CADM1: variants seen among roughly 807,000 people sequenced by gnomAD.
The protein encoded by CADM1 is TSLC-1.
CADM1 carries 15 observed loss-of-function variants against 53.1 expected under a neutral mutation model. The observed-to-expected ratio is 0.28, with a 90% CI of 0.19 to 0.44. The LOEUF (loss-of-function observed/expected upper bound fraction) is 0.44, where lower values mean the gene tolerates loss of function less well. CADM1 is among the 20% of genes least tolerant of loss of function. The probability of loss-of-function intolerance (pLI) is 1.00; values close to 1 mark genes in which losing one functional copy is unlikely to be tolerated. For missense variants in CADM1, 434 were observed against 611.3 expected, an observed-to-expected ratio of 0.71 and a Z score of 3.06; for synonymous variants, 281 against 243.0, an observed-to-expected ratio of 1.16 and a Z score of -1.45.
chr11:115,324,208 C>T (rs567654759), intron 1 of CADM1, among the ~76,000 whole-genome samples: 1 of 152,268 alleles, frequency 6.6e-6, no homozygotes, highest in East Asian at 1.9e-4. Context: ...ATCTCTTCAA[C>T]ACCCTTAATG....
At chr11:115,490,322 C>T (rs1949464941) in intron 1 of CADM1, among the ~76,000 whole-genome samples, 1 of 151,052 alleles carries the variant, frequency 6.6e-6, no homozygotes, top group Non-Finnish European at 1.5e-5. Context: ...TTATTTAACT[C>T]ATTGGATGGA....
rs1415498741 is a variant in CADM1 at position 115,270,459 on chromosome 11, C to T, written c.125-30039G>A. 2.6e-5 allele frequency among the ~76,000 whole-genome samples: 4 copies of T among 152,164 alleles called. No individual in the cohort carries two copies. The East Asian group carries it at 5.8e-4, about 22-fold the overall frequency. On this transcript the variant is annotated intron_variant, in intron 1 of 11. Transcript: ENST00000331581. ...CAATCTATTCCCCATAACTTCTGGGCACCCCCTCCCCTTTTCTTCCAGAAC... is the reference window on the plus strand; with the variant it reads ...CAATCTATTCCCCATAACTTCTGGGTACCCCCTCCCCTTTTCTTCCAGAAC...
At chr11:115,499,350 T>C (rs767961680) in intron 1 of CADM1, among the ~76,000 whole-genome samples, 3 of 152,212 alleles carry the variant, frequency 2.0e-5, no homozygotes, top group Non-Finnish European at 2.9e-5. Flanking sequence ...AAATCCAGAT[T>C]TCTCCCCTAT....
Position 115,247,247 on chromosome 11 carries a change from A to G in CADM1, c.125-6827T>C, listed in dbSNP as rs187767684. ...ATATGTTTCAGTTTTGCTATAGTTT[A>G]AATACACGTTGAAATGACAGCTCAT... On this transcript the variant is annotated intron_variant, in intron 1 of 11. Transcript: ENST00000331581. 7.0e-4 allele frequency among the ~76,000 whole-genome samples: 107 copies of G among 152,272 alleles called. 1 individual carries two copies. Among genetic ancestry groups the G allele is most frequent in the African/African-American group, 2.4e-3 (100 of 41,552 alleles).
intron 5 of CADM1, among the ~76,000 whole-genome samples, chr11:115,221,520 G>C (rs1243854823): frequency 6.6e-6 from 1 of 152,116 alleles, no homozygotes; most frequent in African/African-American, 2.4e-5. Flanking sequence ...TCTATAAAGG[G>C]AAAAAATATA....
At chr11:115,215,869 A>T (rs2134765640) in intron 6 of CADM1, among the ~76,000 whole-genome samples, 1 of 152,338 alleles carries the variant, frequency 6.6e-6, no homozygotes, top group African/African-American at 2.4e-5. Context: ...CAGCGACACG[A>T]CAAGAGACCC....
intron 1 of CADM1, among the ~76,000 whole-genome samples, chr11:115,241,940 C>T (rs550860342): frequency 1.3e-5 from 2 of 150,118 alleles, no homozygotes; most frequent in Non-Finnish European, 1.5e-5. Flanking sequence ...AAGGTTTCTA[C>T]CTGCTATCAT....
chr11:115,474,419 T>C (rs902573790), intron 1 of CADM1, among the ~76,000 whole-genome samples: 1 of 151,644 alleles, frequency 6.6e-6, no homozygotes, highest in African/African-American at 2.4e-5. Context: ...TGCAGCACTA[T>C]TCACAATAGC....
At chr11:115,447,384 T>C (rs1948474031) in intron 1 of CADM1, among the ~76,000 whole-genome samples, 1 of 152,220 alleles carries the variant, frequency 6.6e-6, no homozygotes, top group African/African-American at 2.4e-5. Context: ...ATTTCACTAC[T>C]TCTAGTCTCT....
chr11:115,307,126 T>G (rs1944396572), intron 1 of CADM1, among the ~76,000 whole-genome samples: 1 of 152,020 alleles, frequency 6.6e-6, no homozygotes, highest in Non-Finnish European at 1.5e-5. Flanking sequence ...TTAAATGCTT[T>G]CATTTCTACT....
chr11:115,225,435 G>A (rs1377453871), intron 5 of CADM1, among the ~76,000 whole-genome samples: 3 of 152,070 alleles, frequency 2.0e-5, no homozygotes, highest in African/African-American at 7.2e-5. Context: ...TCACTTCAAT[G>A]CATACTACAC....
intron 10 of CADM1, among the ~76,000 whole-genome samples, chr11:115,181,400 T>C (rs1939306426): frequency 6.6e-6 from 1 of 152,152 alleles, no homozygotes. Flanking sequence ...CTAGTTATCT[T>C]CCCCACCCTC....
At chr11:115,435,736 A>T (rs1360962444) in intron 1 of CADM1, among the ~76,000 whole-genome samples, 1 of 152,164 alleles carries the variant, frequency 6.6e-6, no homozygotes, top group Non-Finnish European at 1.5e-5. Flanking sequence ...GTCTCAAAAA[A>T]TAAATAAAAT....
chr11:115,370,953 T>C (rs1032784086), intron 1 of CADM1, among the ~76,000 whole-genome samples: 2 of 152,082 alleles, frequency 1.3e-5, no homozygotes, highest in African/African-American at 4.8e-5. Flanking sequence ...AGGGACAAGA[T>C]TTACTGTCCT....
chr11:115,214,279 G>A (rs1322093680), intron 7 of CADM1, among the ~76,000 whole-genome samples: 1 of 152,210 alleles, frequency 6.6e-6, no homozygotes. Flanking sequence ...AACTTTCTGA[G>A]CTGAAAAGCT....
chr11:115,189,924 G>A (rs1939764691), intron 10 of CADM1, among the ~76,000 whole-genome samples: 1 of 152,168 alleles, frequency 6.6e-6, no homozygotes, highest in Non-Finnish European at 1.5e-5. Flanking sequence ...TAAATCAATT[G>A]CACTTTGAAA....
intron 1 of CADM1, among the ~76,000 whole-genome samples, chr11:115,351,783 T>A (rs1436025176): frequency 6.6e-6 from 1 of 152,190 alleles, no homozygotes; most frequent in Non-Finnish European, 1.5e-5. Flanking sequence ...CTCTAGGGCA[T>A]AGGAGCCCCT....
chr11:115,359,358 G>C (rs1030518987), intron 1 of CADM1, among the ~76,000 whole-genome samples: 1 of 152,030 alleles, frequency 6.6e-6, no homozygotes, highest in Admixed American at 6.6e-5. Flanking sequence ...GAAATTTCTT[G>C]TAATTCTCAC....
At chr11:115,431,274 TC>T (rs898852013) in intron 1 of CADM1, among the ~76,000 whole-genome samples, 39 of 152,270 alleles carry the variant, frequency 2.6e-4, no homozygotes, top group African/African-American at 9.1e-4. Context: ...ATTATCCTTA[TC>T]TTCTTCTTAA....
Sources: allele counts gnomAD v4.1 joint callset (sites outside exome capture counted in the v4.1 genomes callset), GRCh38; gene constraint gnomAD v4.1.1; transcripts MANE v1.5; gene names NCBI Gene and HGNC (gene_info 2026-07-23, HGNC 2026-07-21).